SRGAP3: variants seen among roughly 807,000 people sequenced by gnomAD.
SRGAP3 encodes the protein SLIT-ROBO Rho GTPase activating protein 3.
SRGAP3 carries 39 observed loss-of-function variants against 121.1 expected under a neutral mutation model. The observed-to-expected ratio is 0.32, with a 90% CI of 0.25 to 0.42. The LOEUF (loss-of-function observed/expected upper bound fraction) is 0.42. Ranked by LOEUF, SRGAP3 falls within the 10% of genes least tolerant of loss-of-function variation. The probability of loss-of-function intolerance (pLI) is 1.00; values close to 1 mark genes in which losing one functional copy is unlikely to be tolerated. For missense variants in SRGAP3, 1,213 were observed against 1,470.6 expected, an observed-to-expected ratio of 0.82 and a Z score of 2.86; for synonymous variants, 601 against 570.0, an observed-to-expected ratio of 1.05 and a Z score of -0.77.
intron 2 of SRGAP3, among the ~76,000 whole-genome samples, chr3:9,115,064 G>T (rs558730968): frequency 2.6e-5 from 4 of 152,280 alleles, no homozygotes; most frequent in Non-Finnish European, 4.4e-5. Context: ...TTCCAATCTG[G>T]GTTTACCTGA....
chr3:9,131,473 C>G (rs1228760636), intron 1 of SRGAP3, among the ~76,000 whole-genome samples: 3 of 125,704 alleles, frequency 2.4e-5, no homozygotes, highest in African/African-American at 9.0e-5. Context: ...GAGTCTCACT[C>G]TGTCACCCAG....
At chr3:9,221,812 C>T (rs2675176) in intron 1 of SRGAP3, among the ~76,000 whole-genome samples, 49,686 of 152,076 alleles carry the variant, frequency 0.33, 8,600 homozygotes, top group East Asian at 0.7. Context: ...GCCAAACTGG[C>T]GCCTTATTTA....
chr3:9,217,609 A>ACACAC (rs577300263), intron 1 of SRGAP3: 4 of 152,338 alleles, frequency 2.6e-5, no homozygotes, highest in South Asian at 2.1e-4. Context: ...ACACATACAC[A>ACACAC]CACACCACAC....
intron 21 of SRGAP3, among the ~76,000 whole-genome samples, chr3:8,986,253 T>C (rs1174250052): frequency 6.6e-6 from 1 of 152,092 alleles, no homozygotes; most frequent in Non-Finnish European, 1.5e-5. Flanking sequence ...AGTTCCCTCA[T>C]CCCTCTGAGC....
chr3:9,010,426 T>C lies in SRGAP3; in HGVS notation c.2148-39A>G. 1.9e-6 allele frequency: 3 copies of C among 1,610,634 alleles called. No individual in the cohort carries two copies. In the South Asian group the frequency reaches 3.3e-5, roughly 18 times the overall value. The stretch of plus-strand genomic sequence containing the variant: ...CGGGAATGGGACTCACTGCGGGGGG[T>C]TATCTACCCTCACAGCACCTTCAGC... On this transcript the variant is annotated intron_variant, in intron 17 of 21. Coordinates refer to ENST00000383836, the MANE Select transcript of SRGAP3 (RefSeq NM_014850.4).
intron 2 of SRGAP3, among the ~76,000 whole-genome samples, chr3:9,115,252 G>A (rs911860123): frequency 6.6e-6 from 1 of 152,180 alleles, no homozygotes; most frequent in African/African-American, 2.4e-5. Flanking sequence ...GCTAAGGGCT[G>A]AGGAAGGAGT....
chr3:9,080,098 G>C lies in SRGAP3; in HGVS notation c.424-11C>G, dbSNP rs758008378. On this transcript the variant is annotated splice_polypyrimidine_tract_variant and intron_variant, in intron 3 of 21. Coordinates refer to ENST00000383836, the MANE Select transcript of SRGAP3 (RefSeq NM_014850.4). ...GCCAATCTCCTTGCTCTGGAATGTG[G>C]AAGAACAAATGTCAGCGGGGGAGAA... 17 of 1,614,174 alleles carry C rather than the reference G, an allele frequency of 1.1e-5. No individual in the cohort carries two copies. Among genetic ancestry groups the C allele is most frequent in the Non-Finnish European group, 1.4e-5 (17 of 1,180,012 alleles).
chr3:9,093,686 A>G (rs1010088110), intron 3 of SRGAP3, among the ~76,000 whole-genome samples: 2 of 152,154 alleles, frequency 1.3e-5, no homozygotes, highest in Non-Finnish European at 2.9e-5. Flanking sequence ...TAATATGTAT[A>G]CAAGTGTATA....
At chr3:9,174,957 T>C (rs1560342461) in intron 1 of SRGAP3, among the ~76,000 whole-genome samples, 1 of 152,126 alleles carries the variant, frequency 6.6e-6, no homozygotes, top group African/African-American at 2.4e-5. Flanking sequence ...GAGGCGTCAT[T>C]CCGTGGACTG....
chr3:9,302,258 C>T (rs1955071867), intron 3 of SRGAP3, among the ~76,000 whole-genome samples: 1 of 152,186 alleles, frequency 6.6e-6, no homozygotes, highest in Non-Finnish European at 1.5e-5. Flanking sequence ...GCAGTGCATA[C>T]ACTGCTTCTG....
At chr3:9,053,974 T>A (rs1560019336) in intron 8 of SRGAP3, among the ~76,000 whole-genome samples, 2 of 152,222 alleles carry the variant, frequency 1.3e-5, no homozygotes, top group Non-Finnish European at 2.9e-5. Flanking sequence ...TTATTGTCAC[T>A]CAAAGTCTGT....
intron 1 of SRGAP3, among the ~76,000 whole-genome samples, chr3:9,135,319 A>G (rs1416472640): frequency 6.6e-6 from 1 of 152,230 alleles, no homozygotes; most frequent in Admixed American, 6.5e-5. Flanking sequence ...CAGGGATGGC[A>G]CTATGTTTTA....
chr3:9,020,993 G>A (rs983419402), intron 14 of SRGAP3, among the ~76,000 whole-genome samples: 1 of 152,262 alleles, frequency 6.6e-6, no homozygotes, highest in East Asian at 1.9e-4. Flanking sequence ...TGAGCACACA[G>A]TGTGTGCTTA....
At chr3:9,008,692 A>T (rs1943209176) in intron 18 of SRGAP3, among the ~76,000 whole-genome samples, 1 of 152,202 alleles carries the variant, frequency 6.6e-6, no homozygotes, top group Non-Finnish European at 1.5e-5. Flanking sequence ...CACATTCCTC[A>T]GTTCAGGATG....
chr3:9,318,750 G>A (rs368283195), intron 3 of SRGAP3, among the ~76,000 whole-genome samples: 1 of 151,526 alleles, frequency 6.6e-6, no homozygotes, highest in African/African-American at 2.4e-5. Context: ...ATAGCAGCAT[G>A]TGCCTGTAGT....
intron 2 of SRGAP3, among the ~76,000 whole-genome samples, chr3:9,124,179 C>T (rs1185558655): frequency 6.6e-6 from 1 of 152,174 alleles, no homozygotes; most frequent in African/African-American, 2.4e-5. Flanking sequence ...GGACACATGA[C>T]AGTTTGTGCA....
chr3:8,988,977 G>A (rs1941886323), intron 21 of SRGAP3, among the ~76,000 whole-genome samples: 1 of 152,140 alleles, frequency 6.6e-6, no homozygotes, highest in South Asian at 2.1e-4. Context: ...TCCATCCATG[G>A]CCCGGGGGCT....
intron 18 of SRGAP3, among the ~76,000 whole-genome samples, chr3:9,004,226 G>A (rs1031887285): frequency 6.6e-6 from 1 of 152,116 alleles, no homozygotes; most frequent in Non-Finnish European, 1.5e-5. Flanking sequence ...AAGGCACTCT[G>A]TAGTTGCCAC....
At chr3:9,131,828 T>C (rs1184009425) in intron 1 of SRGAP3, among the ~76,000 whole-genome samples, 1 of 152,146 alleles carries the variant, frequency 6.6e-6, no homozygotes, top group African/African-American at 2.4e-5. Context: ...GGTTCCCCAT[T>C]GCTTATAGGA....
Sources: allele counts gnomAD v4.1 joint callset (sites outside exome capture counted in the v4.1 genomes callset), GRCh38; gene constraint gnomAD v4.1.1; transcripts MANE v1.5; gene names NCBI Gene and HGNC (gene_info 2026-07-23, HGNC 2026-07-21).